ZDHHC15: variants seen among roughly 807,000 people sequenced by gnomAD.
The protein encoded by ZDHHC15 is zDHHC palmitoyltransferase 15.
Under a neutral mutation model 31.7 loss-of-function variants are expected in ZDHHC15, and 19 were observed. The observed-to-expected ratio is 0.60, with a 90% CI of 0.42 to 0.88. The LOEUF is 0.88. Ranked by LOEUF, ZDHHC15 falls within the 40% of genes least tolerant of loss-of-function variation. The pLI is 0.00. For synonymous variants in ZDHHC15, 103 were observed against 90.0 expected (o/e 1.14, Z -0.82); for missense variants, 209 against 251.2 (o/e 0.83, Z 1.14).
chrX:75,467,533 A>T (rs931309108), intron 3 of ZDHHC15, among the ~76,000 whole-genome samples: 1 of 112,384 alleles, frequency 8.9e-6, no homozygotes, highest in East Asian at 2.8e-4. Context: ...AGAATGTAAT[A>T]CTGTGGCTAT....
At chrX:75,387,650 C>A (rs897359304) in intron 10 of ZDHHC15, among the ~76,000 whole-genome samples, 2 of 111,680 alleles carry the variant, frequency 1.8e-5, no homozygotes, top group Admixed American at 9.5e-5. Flanking sequence ...AGATCACCTA[C>A]AAGATACAGA....
chrX:75,401,623 A>C (rs1367510171), intron 10 of ZDHHC15, among the ~76,000 whole-genome samples: 1 of 112,371 alleles, frequency 8.9e-6, no homozygotes, highest in Non-Finnish European at 1.9e-5. Context: ...GCAAACCAAC[A>C]AATATAAAAA....
intron 1 of ZDHHC15, among the ~76,000 whole-genome samples, chrX:75,507,990 T>G (rs1316122175): frequency 9.0e-6 from 1 of 111,244 alleles, no homozygotes; most frequent in Non-Finnish European, 1.9e-5. Context: ...GAAAGGACAC[T>G]GAAGAAATTC....
In ZDHHC15 at chrX:75,407,640, G is replaced by A. The variant is rs1349591064; in HGVS notation, c.967+9447C>T. ...CCGCCCCGTCTGGGAGGTGGGGGGCGCCTCTGCCTGGCCACCCCATCTGGG... is the reference window on the plus strand; with the variant it reads ...CCGCCCCGTCTGGGAGGTGGGGGGCACCTCTGCCTGGCCACCCCATCTGGG... On this transcript the variant is annotated intron_variant, in intron 10 of 11. Coordinates refer to ENST00000373367, the MANE Select transcript of ZDHHC15 (RefSeq NM_144969.3). Among the ~76,000 whole-genome samples the A allele has an allele frequency of 7.4e-5, 8 of 107,791 alleles. No homozygotes were observed. The South Asian group carries it at 1.6e-3, about 22-fold the overall frequency. The allele number at this position is 107,791 out of a possible 115,157, so 93.6% of individuals were successfully genotyped here. A position where few individuals can be genotyped will look rare whatever the true frequency, so the allele number is the denominator to read the frequency against.
At position 75,423,127 on chromosome X, in the gene ZDHHC15, C is replaced by T. The variant is rs1383755632; in HGVS notation, c.737-1137G>A. 2.8e-5 allele frequency among the ~76,000 whole-genome samples: 3 copies of T among 108,795 alleles called. No individual in the cohort carries two copies. In the Admixed American group the frequency reaches 3.0e-4, roughly 11 times the overall value. The allele number at this position is 108,795 out of a possible 115,157, so 94.5% of individuals were successfully genotyped here. A position where few individuals can be genotyped will look rare whatever the true frequency, so the allele number is the denominator to read the frequency against. Reference sequence around the variant, plus strand: ...TCCTGGCCAGGGTCAATCAATCTTCCTGTCTCAGCTTACTGAGGAGCTGCA... The same window carrying T: ...TCCTGGCCAGGGTCAATCAATCTTCTTGTCTCAGCTTACTGAGGAGCTGCA... On this transcript the variant is annotated intron_variant, in intron 8 of 11. Transcript: ENST00000373367.
intron 3 of ZDHHC15, among the ~76,000 whole-genome samples, chrX:75,460,106 C>T (rs965859726): frequency 2.7e-5 from 3 of 112,145 alleles, no homozygotes; most frequent in African/African-American, 9.7e-5. Context: ...AACTCCCGAC[C>T]TCAGGTGATC....
intron 11 of ZDHHC15, among the ~76,000 whole-genome samples, chrX:75,377,059 T>G (rs1424625072): frequency 2.7e-5 from 3 of 111,825 alleles, no homozygotes; most frequent in Non-Finnish European, 5.6e-5. Flanking sequence ...CTTCTACTGA[T>G]AGACATTCAG....
intron 10 of ZDHHC15, among the ~76,000 whole-genome samples, chrX:75,381,692 G>A (rs1011404172): frequency 9.0e-6 from 1 of 111,428 alleles, no homozygotes; most frequent in African/African-American, 3.3e-5. Context: ...CTCTAAGACT[G>A]TAGCCCACAA....
intron 10 of ZDHHC15, among the ~76,000 whole-genome samples, chrX:75,401,670 C>T (rs777081949): frequency 9.8e-5 from 11 of 111,994 alleles, no homozygotes; most frequent in Admixed American, 3.8e-4. Flanking sequence ...GTAAAGGGTT[C>T]GATTCAACAA....
intron 2 of ZDHHC15, among the ~76,000 whole-genome samples, chrX:75,488,104 G>A (rs757526841): frequency 4.8e-4 from 54 of 112,060 alleles, no homozygotes; most frequent in African/African-American, 1.6e-3. Flanking sequence ...TTATTTGAGG[G>A]AATAATCGAG....
chrX:75,407,831 G>A (rs983617982), intron 10 of ZDHHC15, among the ~76,000 whole-genome samples: 2 of 112,568 alleles, frequency 1.8e-5, no homozygotes, highest in Admixed American at 1.9e-4. Context: ...GTAGAAAGAA[G>A]TAGACATAGG....
intron 3 of ZDHHC15, among the ~76,000 whole-genome samples, chrX:75,474,816 G>C (rs1413685381): frequency 1.8e-5 from 2 of 110,490 alleles, no homozygotes; most frequent in East Asian, 5.7e-4. Flanking sequence ...CCAGCACTTT[G>C]GGAGGCCGAG....
chrX:75,443,350 A>G (rs770406240), intron 4 of ZDHHC15, among the ~76,000 whole-genome samples: 72 of 111,753 alleles, frequency 6.4e-4, no homozygotes, highest in Admixed American at 1.9e-4. Context: ...CAAACCTGAA[A>G]AAAAGAAGAA....
chrX:75,417,116 G>C lies in ZDHHC15; in HGVS notation c.938C>G (p.Thr313Ser). Residue 313 changes from threonine to serine, a missense_variant, in exon 10 of 12, where the codon ACC becomes AGC. By Grantham distance (58) the Thr-to-Ser change is moderately conservative (BLOSUM62 1). Transcript: ENST00000373367. ...SQNPLLANEETWEDNEDDNQD... is the reference protein window; with the variant it reads ...SQNPLLANEESWEDNEDDNQD... ...GTTGTCATCCTCGTTGTCTTCCCAG[G>C]TTTCTTCATTTGCTAGCAGTGGGTT... 1 of 1,209,349 alleles carries C rather than the reference G, an allele frequency of 8.3e-7. No homozygotes were observed. Among genetic ancestry groups the C allele is most frequent in the South Asian group, 1.8e-5 (1 of 56,893 alleles).
intron 2 of ZDHHC15, among the ~76,000 whole-genome samples, chrX:75,495,017 G>A (rs1251731881): frequency 9.0e-6 from 1 of 111,071 alleles, no homozygotes; most frequent in Non-Finnish European, 1.9e-5. Context: ...TGGGAGAAAA[G>A]TTTTGCAATA....
intron 3 of ZDHHC15, among the ~76,000 whole-genome samples, chrX:75,474,989 G>T (rs2084578274): frequency 9.0e-6 from 1 of 111,097 alleles, no homozygotes; most frequent in Non-Finnish European, 1.9e-5. Context: ...GAACCCGGAG[G>T]TGGAGCTTGC....
chrX:75,464,406 C>A (rs1257866361), intron 3 of ZDHHC15, among the ~76,000 whole-genome samples: 1 of 110,095 alleles, frequency 9.1e-6, no homozygotes, highest in African/African-American at 3.3e-5. Context: ...GCACGTTGTG[C>A]ACATGTACCC....
chrX:75,452,435 T>C (rs1439757064), intron 3 of ZDHHC15, among the ~76,000 whole-genome samples: 6 of 110,519 alleles, frequency 5.4e-5, no homozygotes, highest in Non-Finnish European at 1.1e-4. Context: ...CACACAATAA[T>C]AATGGGAGAT....
chrX:75,456,624 T>C (rs1450596621), intron 3 of ZDHHC15, among the ~76,000 whole-genome samples: 1 of 111,217 alleles, frequency 9.0e-6, no homozygotes, highest in Admixed American at 9.6e-5. Flanking sequence ...GTCCAACCAC[T>C]GTGGAAGACA....
Sources: gnomAD v4.1 joint callset for allele counts (sites outside exome capture counted in the v4.1 genomes callset) on GRCh38, gnomAD v4.1.1 for gene constraint, MANE v1.5 for transcripts, NCBI Gene and HGNC (gene_info 2026-07-23, HGNC 2026-07-21) for gene names.